Variants in FHOD3 observed in about 807,000 individuals in gnomAD.
FHOD3 encodes formin homology 2 domain containing 3, also known as FH1/FH2 domain-containing protein 3.
Under a neutral mutation model 173.0 loss-of-function variants are expected in FHOD3, and 90 were observed. The observed-to-expected ratio is 0.52, with a 90% CI of 0.44 to 0.62. The LOEUF (loss-of-function observed/expected upper bound fraction) is 0.62, where lower values mean the gene tolerates loss of function less well. Among genes scored for constraint, FHOD3 ranks in the 20% least tolerant of loss-of-function variants. The pLI is 0.00. For synonymous variants in FHOD3, 828 were observed against 823.0 expected, an observed-to-expected ratio of 1.01 and a Z score of -0.10; for missense variants, 1,945 against 2,034.7, an observed-to-expected ratio of 0.96 and a Z score of 0.85.
intron 20 of FHOD3, among the ~76,000 whole-genome samples, chr18:36,737,048 G>T (rs7238873): frequency 0.013 from 2,052 of 152,296 alleles, 47 homozygotes; most frequent in African/African-American, 0.047. Context: ...AGGGCCATCA[G>T]CTCATAGGAG....
intron 17 of FHOD3, among the ~76,000 whole-genome samples, chr18:36,699,586 A>G (rs997701761): frequency 6.6e-6 from 1 of 152,216 alleles, no homozygotes; most frequent in Admixed American, 6.5e-5. Context: ...GGCTCCTTCT[A>G]GCATCCTTGT....
At chr18:36,777,581 T>C (rs2043770311) in intron 28 of FHOD3, 1 of 152,210 alleles carries the variant, frequency 6.6e-6, no homozygotes, top group South Asian at 2.1e-4. Flanking sequence ...TTTTATCTTA[T>C]TTACTGTTGT....
At chr18:36,760,222 C>T (rs1418455849) in intron 26 of FHOD3, among the ~76,000 whole-genome samples, 1 of 152,166 alleles carries the variant, frequency 6.6e-6, no homozygotes, top group Admixed American at 6.5e-5. Flanking sequence ...GCTCAATATG[C>T]TTGGTTAACA....
At chr18:36,610,400 G>A (rs368987678) in intron 8 of FHOD3, among the ~76,000 whole-genome samples, 7 of 152,324 alleles carry the variant, frequency 4.6e-5, no homozygotes, top group African/African-American at 1.7e-4. Flanking sequence ...CCTGATGACC[G>A]TTATTGCCTG....
At chr18:36,401,131 C>A (rs2048792746) in intron 3 of FHOD3, among the ~76,000 whole-genome samples, 1 of 152,070 alleles carries the variant, frequency 6.6e-6, no homozygotes, top group Non-Finnish European at 1.5e-5. Context: ...ATTGGTGTCC[C>A]CCCAGATTCA....
At chr18:36,582,867 T>A (rs1356832805) in intron 6 of FHOD3, among the ~76,000 whole-genome samples, 1 of 152,218 alleles carries the variant, frequency 6.6e-6, no homozygotes, top group Non-Finnish European at 1.5e-5. Context: ...CGGATTTTTG[T>A]CACACATTTT....
intron 1 of FHOD3, among the ~76,000 whole-genome samples, chr18:36,319,991 G>A (rs1568117508): frequency 6.6e-6 from 1 of 152,178 alleles, no homozygotes; most frequent in Non-Finnish European, 1.5e-5. Context: ...AAAGCAGTAT[G>A]TAGAGGGAAA....
intron 20 of FHOD3, among the ~76,000 whole-genome samples, chr18:36,738,258 TG>T (rs2041738482): frequency 6.6e-6 from 1 of 152,272 alleles, no homozygotes; most frequent in South Asian, 2.1e-4. Flanking sequence ...GTCCAGTTTT[TG>T]GCAGTTATGA....
chr18:36,650,106 A>G (rs1446822699), intron 11 of FHOD3, among the ~76,000 whole-genome samples: 1 of 152,186 alleles, frequency 6.6e-6, no homozygotes. Flanking sequence ...AAACAGTAAA[A>G]ATTGCTCATG....
intron 1 of FHOD3, among the ~76,000 whole-genome samples, chr18:36,319,323 C>A (rs1321052667): frequency 6.6e-6 from 1 of 152,120 alleles, no homozygotes; most frequent in Non-Finnish European, 1.5e-5. Context: ...AAATAAAGGG[C>A]AGGGATTGCA....
At chr18:36,489,047 G>GGCT (rs2054331182) in intron 3 of FHOD3, among the ~76,000 whole-genome samples, 1 of 152,116 alleles carries the variant, frequency 6.6e-6, no homozygotes. Context: ...TCCATAAGAG[G>GGCT]GCTAAGTAGT....
chr18:36,435,790 G>A (rs561871264), intron 3 of FHOD3, among the ~76,000 whole-genome samples: 1 of 152,292 alleles, frequency 6.6e-6, no homozygotes, highest in Admixed American at 6.5e-5. Flanking sequence ...GATGGAAGAA[G>A]TCTTTTCAGC....
intron 3 of FHOD3, among the ~76,000 whole-genome samples, chr18:36,430,711 A>G (rs902962122): frequency 2.0e-5 from 3 of 152,194 alleles, no homozygotes; most frequent in Non-Finnish European, 4.4e-5. Context: ...GAGTATTACT[A>G]AGCCAGCCTC....
intron 6 of FHOD3, among the ~76,000 whole-genome samples, chr18:36,583,895 G>A (rs996897975): frequency 1.1e-4 from 17 of 151,782 alleles, no homozygotes; most frequent in African/African-American, 3.6e-4. Context: ...ACACAGTCTC[G>A]GCTCACTGCA....
At chr18:36,627,919 A>G (rs551948243) in intron 10 of FHOD3, among the ~76,000 whole-genome samples, 1 of 152,306 alleles carries the variant, frequency 6.6e-6, no homozygotes, top group Admixed American at 6.5e-5. Context: ...TGCCTCATGT[A>G]CATATATGCA....
At chr18:36,576,830 T>C (rs1037972572) in intron 6 of FHOD3, among the ~76,000 whole-genome samples, 1 of 152,174 alleles carries the variant, frequency 6.6e-6, no homozygotes. Context: ...GGGCCGGGCG[T>C]GGTGGCTCAC....
intron 17 of FHOD3, among the ~76,000 whole-genome samples, chr18:36,697,874 T>C (rs1184448550): frequency 6.6e-6 from 1 of 152,250 alleles, no homozygotes; most frequent in Non-Finnish European, 1.5e-5. Flanking sequence ...GCTGTCATCA[T>C]TGTTAGCGTT....
At chr18:36,468,524 CTGTGCCCTGTGGG>C (rs2053085502) in intron 3 of FHOD3, among the ~76,000 whole-genome samples, 1 of 152,160 alleles carries the variant, frequency 6.6e-6, no homozygotes, top group Non-Finnish European at 1.5e-5. Flanking sequence ...CTCCTTCTGG[CTGTGCCCTGTGGG>C]TGTGAGCCAG....
At position 36,582,279 on chromosome 18, in the gene FHOD3, G is replaced by A. The variant is rs188663955; in HGVS notation, c.606+5734G>A. 2.5e-4 allele frequency among the ~76,000 whole-genome samples: 38 copies of A among 152,318 alleles called. 1 individual carries two copies. The East Asian group carries it at 6.6e-3, about 26-fold the overall frequency. On this transcript the variant is annotated intron_variant, in intron 6 of 28. Transcript: ENST00000590592. Reference sequence around the variant, plus strand: ...GTCTTGGAGCCACTGGCATGTCACTGTTGTGTGATCTGCTCAGATGACCCA... The same window carrying A: ...GTCTTGGAGCCACTGGCATGTCACTATTGTGTGATCTGCTCAGATGACCCA...
Sources: gnomAD v4.1 joint callset for allele counts (sites outside exome capture counted in the v4.1 genomes callset) on GRCh38, gnomAD v4.1.1 for gene constraint, MANE v1.5 for transcripts, NCBI Gene and HGNC (gene_info 2026-07-23, HGNC 2026-07-21) for gene names.